ADGRV1: variants seen among roughly 807,000 people sequenced by gnomAD.
ADGRV1 encodes adhesion G protein-coupled receptor V1, also known as G-protein coupled receptor 98.
In ADGRV1, 359 loss-of-function variants were observed where a neutral mutation model predicts 596.2. The ratio of observed to expected loss-of-function variants is 0.60; its 90% CI spans 0.55 to 0.66. The LOEUF (loss-of-function observed/expected upper bound fraction) is 0.66, where lower values mean the gene tolerates loss of function less well. ADGRV1 is among the 30% of genes least tolerant of loss of function. The pLI, the probability that ADGRV1 is intolerant of heterozygous loss-of-function variation, is 0.00. For missense variants in ADGRV1, 7,274 were observed against 7,575.6 expected (o/e 0.96, Z 1.48); for synonymous variants, 2,681 against 2,679.2 (o/e 1.00, Z -0.02).
chr5:90,697,967 A>G (rs769662053), intron 34 of ADGRV1, among the ~76,000 whole-genome samples: 3 of 152,230 alleles, frequency 2.0e-5, no homozygotes, highest in Non-Finnish European at 4.4e-5. Context: ...AGAGATTAAA[A>G]GACTTGACAG....
intron 21 of ADGRV1, 98 bp downstream of exon 21, chr5:90,658,376 A>C: frequency 8.9e-7 from 1 of 1,129,916 alleles, no homozygotes; most frequent in Non-Finnish European, 1.2e-6. Flanking sequence ...TTGGTTGCGC[A>C]TCTACTCCAA....
chr5:90,696,163 GTC>G (rs1310938618), intron 33 of ADGRV1, among the ~76,000 whole-genome samples: 1 of 151,774 alleles, frequency 6.6e-6, no homozygotes, highest in Non-Finnish European at 1.5e-5. Context: ...CTCCTTCATT[GTC>G]TCTCCAGAAA....
chr5:90,865,470 A>G (rs1452484455), intron 83 of ADGRV1, among the ~76,000 whole-genome samples: 6 of 152,140 alleles, frequency 3.9e-5, no homozygotes, highest in African/African-American at 1.2e-4. Flanking sequence ...CAGGATTTCT[A>G]TGTTGGAGCA....
At chr5:90,585,411 G>A (rs991082067) in intron 1 of ADGRV1, among the ~76,000 whole-genome samples, 30 of 152,224 alleles carry the variant, frequency 2.0e-4, no homozygotes, top group Middle Eastern at 6.8e-3. Flanking sequence ...ATGATTTTTT[G>A]CTTCAAGACA....
chr5:91,118,592 A>G (rs188651338), intron 87 of ADGRV1, among the ~76,000 whole-genome samples: 7 of 152,182 alleles, frequency 4.6e-5, no homozygotes, highest in African/African-American at 1.7e-4. Flanking sequence ...GGAATTTAAC[A>G]TAAATAAATA....
chr5:91,018,405 A>G (rs1783352445), intron 85 of ADGRV1, among the ~76,000 whole-genome samples: 1 of 151,990 alleles, frequency 6.6e-6, no homozygotes, highest in Non-Finnish European at 1.5e-5. Context: ...ACATAGCAGC[A>G]TAGTGGGAGA....
chr5:90,901,100 G>T (rs950400388), intron 83 of ADGRV1, among the ~76,000 whole-genome samples: 2 of 152,034 alleles, frequency 1.3e-5, no homozygotes, highest in African/African-American at 4.8e-5. Flanking sequence ...AAGTCCATTA[G>T]TTTTGTGCCT....
intron 85 of ADGRV1, among the ~76,000 whole-genome samples, chr5:91,061,413 G>A (rs1311386708): frequency 1.3e-5 from 2 of 152,054 alleles, no homozygotes; most frequent in Non-Finnish European, 2.9e-5. Context: ...ACTAATAGTT[G>A]GAGTCCATTA....
At chr5:90,981,462 C>G (rs1470513327) in intron 84 of ADGRV1, among the ~76,000 whole-genome samples, 2 of 152,188 alleles carry the variant, frequency 1.3e-5, no homozygotes, top group Admixed American at 1.3e-4. Flanking sequence ...GTGGAGTTTG[C>G]ATGTTCTCCC....
intron 85 of ADGRV1, among the ~76,000 whole-genome samples, chr5:91,027,019 G>A (rs1784067125): frequency 6.6e-6 from 1 of 152,018 alleles, no homozygotes; most frequent in Non-Finnish European, 1.5e-5. Flanking sequence ...GTGCATGCCT[G>A]TAGTCCCAGC....
chr5:90,801,228 G>A (rs1226667844), intron 70 of ADGRV1, among the ~76,000 whole-genome samples: 1 of 152,032 alleles, frequency 6.6e-6, no homozygotes, highest in African/African-American at 2.4e-5. Context: ...TCTTCTGTAG[G>A]TGAACCAGCT....
Position 90,615,009 on chromosome 5 carries a change from C to T in ADGRV1, c.197C>T (p.Ala66Val). Residue 66 changes from alanine (A) to valine (V), a missense_variant, in exon 2 of 90, where the codon GCA (alanine) becomes GTA (valine). By Grantham distance (64) the Ala-to-Val change is moderately conservative. This residue lies in a region of ADGRV1 where 1,715 missense variants were observed against 1,708.8 expected (regional missense o/e 1.00). Transcript: ENST00000405460. The stretch of plus-strand genomic sequence containing the variant: ...ATAGGAGAGCCAGCAAATGTTACTG[C>T]AATTGTATCGGTAAGAAATTATTAT... ...ERIGEPANVT[A>V]IVSLYGEDAG... 1 of 1,439,838 alleles carries T rather than the reference C, an allele frequency of 6.9e-7. No homozygotes were observed. Among genetic ancestry groups the T allele is most frequent in the Non-Finnish European group, 9.2e-7 (1 of 1,086,644 alleles). 89.2% of individuals were successfully genotyped at this position (1,439,838 alleles called of 1,614,324 possible).
At chr5:91,139,635 TAGA>T (rs1794936459) in intron 87 of ADGRV1, among the ~76,000 whole-genome samples, 1 of 152,220 alleles carries the variant, frequency 6.6e-6, no homozygotes, top group Admixed American at 6.5e-5. Flanking sequence ...GTGGATGGGT[TAGA>T]AGGAGTAACA....
intron 89 of ADGRV1, among the ~76,000 whole-genome samples, chr5:91,162,047 T>C (rs572238756): frequency 3.7e-4 from 56 of 152,262 alleles, no homozygotes; most frequent in Non-Finnish European, 2.9e-4. Context: ...GGTTCCCAAC[T>C]CAGTGTAACT....
intron 83 of ADGRV1, among the ~76,000 whole-genome samples, chr5:90,869,229 T>G (rs1768432214): frequency 6.6e-6 from 1 of 152,136 alleles, no homozygotes; most frequent in Non-Finnish European, 1.5e-5. Context: ...ATTTGAAGAC[T>G]TGGAATGTGA....
At chr5:91,157,648 G>A (rs1290704597) in intron 89 of ADGRV1, among the ~76,000 whole-genome samples, 1 of 152,016 alleles carries the variant, frequency 6.6e-6, no homozygotes, top group Non-Finnish European at 1.5e-5. Context: ...AGACTCTAAG[G>A]TGTTCAACAT....
At chr5:90,817,796 A>G (rs1292482907) in intron 75 of ADGRV1, among the ~76,000 whole-genome samples, 1 of 152,176 alleles carries the variant, frequency 6.6e-6, no homozygotes, top group Non-Finnish European at 1.5e-5. Flanking sequence ...TACCAGTACC[A>G]TGCTGTTTTG....
rs142144946 is a variant in ADGRV1 at position 90,728,602 on chromosome 5, T to A, written c.10162-67T>A. The A allele has an allele frequency of 7.0e-6, 9 of 1,284,926 alleles. No individual in the cohort carries two copies. In the East Asian group the frequency reaches 2.1e-4, roughly 30 times the overall value. The allele number at this position is 1,284,926 out of a possible 1,614,324, so 79.6% of individuals were successfully genotyped here. On this transcript the variant is annotated intron_variant, in intron 48 of 89. Coordinates refer to ENST00000405460, the MANE Select transcript of ADGRV1 (RefSeq NM_032119.4). ...ATCCAAGAGAGTAAACATATGGTAT[T>A]GATTACATTCTTGCAAGTGCTAAAT...
chr5:90,910,257 C>A (rs1400409421), intron 83 of ADGRV1, among the ~76,000 whole-genome samples: 1 of 152,186 alleles, frequency 6.6e-6, no homozygotes, highest in African/African-American at 2.4e-5. Flanking sequence ...CTAGCTTTAG[C>A]CACACTTAGA....
Sources: allele counts gnomAD v4.1 joint callset (sites outside exome capture counted in the v4.1 genomes callset), GRCh38; gene constraint gnomAD v4.1.1; regional missense constraint gnomAD v4.1.1; transcripts MANE v1.5; gene names NCBI Gene and HGNC (gene_info 2026-07-23, HGNC 2026-07-21).